HEATR5B: variants seen among roughly 807,000 people sequenced by gnomAD.
The protein encoded by HEATR5B is HEAT repeat containing 5B, also known as HEAT repeat-containing protein 5B.
A neutral mutation model predicts 224.1 loss-of-function variants in HEATR5B; 156 were observed. The observed-to-expected ratio is 0.70, with a 90% CI of 0.61 to 0.80. The LOEUF is 0.80. Among genes scored for constraint, HEATR5B ranks in the 30% least tolerant of loss-of-function variants. The probability of loss-of-function intolerance (pLI) is 0.00; values close to 1 mark genes in which losing one functional copy is unlikely to be tolerated. For synonymous variants in HEATR5B, 1,027 were observed against 893.0 expected, an observed-to-expected ratio of 1.15 and a Z score of -2.68; for missense variants, 2,323 against 2,535.5, an observed-to-expected ratio of 0.92 and a Z score of 1.80.
intron 18 of HEATR5B, among the ~76,000 whole-genome samples, chr2:37,047,735 G>A (rs1162723092): frequency 6.6e-6 from 1 of 152,140 alleles, no homozygotes; most frequent in Non-Finnish European, 1.5e-5. Context: ...ATACAAGACG[G>A]ACCTGTAGCT....
rs924862587 is a variant in HEATR5B at position 37,079,275 on chromosome 2, A to G, written c.183T>C (p.Ser61=). 2.5e-6 allele frequency: 4 copies of G among 1,613,070 alleles called. No individual in the cohort carries two copies. Among genetic ancestry groups the G allele is most frequent in the African/African-American group, 1.3e-5 (1 of 75,008 alleles). The part of the protein sequence containing the change: ...KLVEQLTGLI[S]SSPGPPTRKL... ...TTCGTGTAGGTGGTCCAGGTGAACT[A>G]CTTATTAATCCAGTTAATTGTTCAA... The change falls in exon 3 of 36, where the codon AGT becomes AGC. Residue 61 remains serine (S), a synonymous_variant. Transcript: ENST00000233099.
chr2:37,026,111 C>A (rs1308237720), intron 24 of HEATR5B, among the ~76,000 whole-genome samples: 3 of 152,176 alleles, frequency 2.0e-5, no homozygotes, highest in African/African-American at 7.2e-5. Context: ...AAGCAGAGCA[C>A]CTTTCCTGGC....
At chr2:37,034,437 C>T (rs1452708288) in intron 21 of HEATR5B, among the ~76,000 whole-genome samples, 1 of 142,576 alleles carries the variant, frequency 7.0e-6, no homozygotes, top group Non-Finnish European at 1.5e-5. Flanking sequence ...AACGGTGAAA[C>T]CCCGTCTCTA....
At chr2:36,991,231 C>T (rs1666303535) in intron 33 of HEATR5B, among the ~76,000 whole-genome samples, 1 of 151,978 alleles carries the variant, frequency 6.6e-6, no homozygotes, top group Non-Finnish European at 1.5e-5. Context: ...TTCCATATAA[C>T]CATTAAAAAA....
At chr2:37,008,460 G>C (rs1667569301) in intron 28 of HEATR5B, 151 bp downstream of exon 28, 4 of 640,302 alleles carry the variant, frequency 6.2e-6, no homozygotes, top group South Asian at 3.7e-5. Context: ...TCAATATAGA[G>C]TACATATTCT....
chr2:37,025,491 G>C (rs576175816), intron 24 of HEATR5B, among the ~76,000 whole-genome samples: 1 of 150,968 alleles, frequency 6.6e-6, no homozygotes, highest in African/African-American at 2.4e-5. Context: ...CGGCATCCTC[G>C]ATAGGATGAA....
At chr2:37,025,462 A>T (rs1015744824) in intron 24 of HEATR5B, among the ~76,000 whole-genome samples, 1 of 152,052 alleles carries the variant, frequency 6.6e-6, no homozygotes, top group Admixed American at 6.6e-5. Flanking sequence ...AAAAACCAGA[A>T]TTAAAAAAAA....
chr2:37,020,034 G>C (rs150832120), intron 25 of HEATR5B, among the ~76,000 whole-genome samples, 157 bp from the exon 26 acceptor site: 1 of 152,036 alleles, frequency 6.6e-6, no homozygotes, highest in Non-Finnish European at 1.5e-5. Context: ...CTCCGAAGTA[G>C]CTGGGATTAT....
At chr2:36,999,776 G>C (rs1666967936) in intron 33 of HEATR5B, among the ~76,000 whole-genome samples, 1 of 151,862 alleles carries the variant, frequency 6.6e-6, no homozygotes, top group Admixed American at 6.6e-5. Flanking sequence ...AACTTTGGGA[G>C]GCCAAGGCAG....
intron 34 of HEATR5B, among the ~76,000 whole-genome samples, chr2:36,989,484 C>T (rs982797357): frequency 6.6e-6 from 1 of 152,054 alleles, no homozygotes; most frequent in African/African-American, 2.4e-5. Flanking sequence ...CCCATTTTAA[C>T]CAAATATATT....
At chr2:37,008,968 T>G in intron 27 of HEATR5B, 120 bp from the exon 28 acceptor site, 2 of 783,072 alleles carry the variant, frequency 2.6e-6, no homozygotes, top group Non-Finnish European at 4.1e-6. Flanking sequence ...TATTAGAAAG[T>G]ATACACTTTG....
In HEATR5B at chr2:37,049,850, T is replaced by TAAA. The variant is rs60184195; in HGVS notation, c.2506-10_2506-8dup. 41,414 of 987,706 alleles carry TAAA rather than the reference T, an allele frequency of 0.042. 1,663 individuals are homozygous for TAAA. The highest frequency in any genetic ancestry group is 0.16 in the East Asian group (2,659 of 17,056). 61.2% of individuals were successfully genotyped at this position (987,706 alleles called of 1,614,324 possible). ...TTTTGTTTTCAGCTAAGCCCTACAT[T>TAAA]AAAAAAAAAAAAAAAAAAAAGACAG... On this transcript the variant is annotated splice_polypyrimidine_tract_variant and splice_region_variant and intron_variant, in intron 17 of 35. Coordinates refer to ENST00000233099, the MANE Select transcript of HEATR5B (RefSeq NM_019024.3).
At chr2:36,992,452 A>C (rs1044695698) in intron 33 of HEATR5B, among the ~76,000 whole-genome samples, 2 of 151,804 alleles carry the variant, frequency 1.3e-5, no homozygotes, top group African/African-American at 2.4e-5. Context: ...TTGGTGGTGC[A>C]TGCCTGCAGT....
intron 25 of HEATR5B, 88 bp from the exon 26 acceptor site, chr2:37,019,965 G>A (rs1668366743): frequency 1.2e-6 from 1 of 863,726 alleles, no homozygotes; most frequent in Non-Finnish European, 1.8e-6. Context: ...GTGCAGTGGT[G>A]CGATCTCGGC....
At chr2:37,044,017 T>C (rs1670035741) in intron 18 of HEATR5B, among the ~76,000 whole-genome samples, 1 of 152,214 alleles carries the variant, frequency 6.6e-6, no homozygotes, top group Non-Finnish European at 1.5e-5. Flanking sequence ...ATACATTTTA[T>C]TTAACTCAAT....
chr2:37,081,944 A>G (rs922753492), intron 2 of HEATR5B, among the ~76,000 whole-genome samples: 3 of 151,710 alleles, frequency 2.0e-5, no homozygotes, highest in Non-Finnish European at 4.4e-5. Context: ...ACTAGCCTAC[A>G]GTGAAGTCCA....
chr2:37,009,779 A>ACT (rs1558726275), intron 27 of HEATR5B, among the ~76,000 whole-genome samples: 6 of 126,932 alleles, frequency 4.7e-5, no homozygotes, highest in Non-Finnish European at 5.1e-5. Context: ...CCCCGCCTCC[A>ACT]CTTTTTTTTT....
At chr2:37,070,818 T>C (rs1224478010) in intron 6 of HEATR5B, among the ~76,000 whole-genome samples, 15 of 152,244 alleles carry the variant, frequency 9.9e-5, no homozygotes, top group Non-Finnish European at 1.5e-5. Flanking sequence ...TTGGCATCCC[T>C]AGTACAGAGT....
At chr2:37,027,187 C>T (rs183784284) in intron 24 of HEATR5B, among the ~76,000 whole-genome samples, 1 of 152,214 alleles carries the variant, frequency 6.6e-6, no homozygotes, top group Admixed American at 6.5e-5. Context: ...AATTCATAGA[C>T]GTCAATATTG....
Sources: allele counts gnomAD v4.1 joint callset (sites outside exome capture counted in the v4.1 genomes callset), GRCh38; gene constraint gnomAD v4.1.1; transcripts MANE v1.5; gene names NCBI Gene and HGNC (gene_info 2026-07-23, HGNC 2026-07-21).